DSCAML1: variants seen among roughly 807,000 people sequenced by gnomAD.
DSCAML1 encodes cell adhesion molecule DSCAML1.
DSCAML1 carries 38 observed loss-of-function variants against 200.5 expected under a neutral mutation model. The observed-to-expected ratio is 0.19, with a 90% CI of 0.15 to 0.25. The LOEUF (loss-of-function observed/expected upper bound fraction) is 0.25, where lower values mean the gene tolerates loss of function less well. Among genes scored for constraint, DSCAML1 ranks in the 10% least tolerant of loss-of-function variants. The pLI, the probability that DSCAML1 is intolerant of heterozygous loss-of-function variation, is 1.00. For missense variants in DSCAML1, 2,223 were observed against 2,858.8 expected (o/e 0.78, Z 5.07); for synonymous variants, 1,215 against 1,165.0 (o/e 1.04, Z -0.87).
At chr11:117,809,945 ACACACATT>A (rs2055744483) in intron 1 of DSCAML1, among the ~76,000 whole-genome samples, 1 of 132,278 alleles carries the variant, frequency 7.6e-6, no homozygotes, top group East Asian at 2.0e-4. Context: ...ATATTCACAT[ACACACATT>A]CACACACTCA....
chr11:117,746,881 G>A (rs1463501218), intron 3 of DSCAML1, among the ~76,000 whole-genome samples: 1 of 152,174 alleles, frequency 6.6e-6, no homozygotes, highest in Non-Finnish European at 1.5e-5. Context: ...ACCTCCCTGG[G>A]AAGCCTGGGC....
chr11:117,644,593 C>T (rs116335355), intron 3 of DSCAML1, among the ~76,000 whole-genome samples: 54 of 152,354 alleles, frequency 3.5e-4, no homozygotes, highest in African/African-American at 1.2e-3. Context: ...GCGGCCACAA[C>T]GCCTTCCTAG....
rs572960410 is a variant in DSCAML1, at chr11:117,609,177, C to T, written c.512-76655G>A. Among the ~76,000 whole-genome samples, 45 of 149,814 alleles carry T rather than the reference C, an allele frequency of 3.0e-4. 1 individual carries two copies. The highest frequency in any genetic ancestry group is 9.1e-4 in the African/African-American group (37 of 40,590). On this transcript the variant is annotated intron_variant, in intron 3 of 32. Transcript: ENST00000651296. ...TCGTGCCACTGCACTCCAGGCTGGG[C>T]GACAGAGCCAGACCCTATCTCAATT... is the stretch of plus-strand genomic sequence containing the variant.
chr11:117,447,490 A>G (rs942651997), intron 20 of DSCAML1, among the ~76,000 whole-genome samples: 5 of 150,982 alleles, frequency 3.3e-5, no homozygotes, highest in Non-Finnish European at 7.3e-5. Context: ...GAAGTACATC[A>G]CCAGTGTTTA....
At chr11:117,667,773 T>A (rs2137662110) in intron 3 of DSCAML1, among the ~76,000 whole-genome samples, 1 of 152,340 alleles carries the variant, frequency 6.6e-6, no homozygotes, top group East Asian at 1.9e-4. Context: ...CTTGGCAGCA[T>A]CCTTACTCCC....
Position 117,776,855 on chromosome 11 carries a change from G to C in DSCAML1, c.447C>G (p.Pro149=), listed in dbSNP as rs2055136922. 1.3e-5 allele frequency: 21 copies of C among 1,614,204 alleles called. No homozygotes were observed. The highest frequency in any genetic ancestry group is 1.6e-5 in the Non-Finnish European group (19 of 1,180,036). The part of the protein sequence containing the change: ...GNVAVFKCLI[P]SSVQEYVSVV... Reference sequence around the variant, plus strand: ...CGCTAACATATTCCTGCACTGAAGAGGGGATGAGGCACTTGAAGACGGCCA... The same window carrying C: ...CGCTAACATATTCCTGCACTGAAGACGGGATGAGGCACTTGAAGACGGCCA... Residue 149 remains proline (P), a synonymous_variant, in exon 3 of 33, where the codon CCC becomes CCG. Coordinates refer to ENST00000651296, the MANE Select transcript of DSCAML1 (RefSeq NM_020693.4).
intron 3 of DSCAML1, 138 bp from the exon 4 acceptor site, chr11:117,532,660 G>C (rs2050103744): frequency 1.1e-6 from 1 of 876,212 alleles, no homozygotes; most frequent in Admixed American, 2.9e-5. Flanking sequence ...GTTCCTTTCA[G>C]TGTAGATGCT....
chr11:117,521,743 C>T (rs1003364540), intron 5 of DSCAML1, among the ~76,000 whole-genome samples: 44 of 148,914 alleles, frequency 3.0e-4, no homozygotes, highest in African/African-American at 3.5e-4. Flanking sequence ...TTATTCTCCC[C>T]GCCACCCACC....
intron 3 of DSCAML1, among the ~76,000 whole-genome samples, chr11:117,670,486 G>A (rs2053082035): frequency 6.6e-6 from 1 of 152,124 alleles, no homozygotes; most frequent in Non-Finnish European, 1.5e-5. Context: ...ATAATGGGGA[G>A]GTCAGACTTG....
At chr11:117,649,041 A>ATGTGTGTG (rs58257943) in intron 3 of DSCAML1, among the ~76,000 whole-genome samples, 10 of 137,930 alleles carry the variant, frequency 7.3e-5, no homozygotes, top group South Asian at 7.0e-4. Context: ...CTCCATATAT[A>ATGTGTGTG]TGTGTGTGTG....
In DSCAML1 at chr11:117,437,498, G is replaced by A. The variant is rs2137075503; in HGVS notation, c.4433-89C>T. ...CTGGGCTGGAAAGGATTTCCCTGGG[G>A]CAGCTGGGATGGCAGTGGCTCCAGG... On this transcript the variant is annotated intron_variant, in intron 25 of 32. Coordinates refer to ENST00000651296, the MANE Select transcript of DSCAML1 (RefSeq NM_020693.4). This position sits in a 1 kb window ranked among gnomAD's most constrained non-coding sequence, Gnocchi z 5.3. The A allele has an allele frequency of 3.4e-6, 5 of 1,476,820 alleles. No individual in the cohort carries two copies. The East Asian group carries it at 1.1e-4, about 34-fold the overall frequency. 91.5% of individuals were successfully genotyped at this position (1,476,820 alleles called of 1,614,324 possible).
chr11:117,723,657 C>T (rs1438135472), intron 3 of DSCAML1, among the ~76,000 whole-genome samples: 1 of 152,208 alleles, frequency 6.6e-6, no homozygotes, highest in Non-Finnish European at 1.5e-5. Context: ...GCGTTGAGTT[C>T]ATCTGTGGAT....
At chr11:117,769,342 TTTTATATATATTATATA>T (rs2054974953) in intron 3 of DSCAML1, among the ~76,000 whole-genome samples, 2 of 4,826 alleles carry the variant, frequency 4.1e-4, no homozygotes, top group African/African-American at 6.2e-4. Context: ...ATAATATATA[TTTTATATATATTATATA>T]TTTTATATAA....
intron 1 of DSCAML1, among the ~76,000 whole-genome samples, chr11:117,809,903 T>C (rs73018452): frequency 1.5e-4 from 23 of 148,872 alleles, no homozygotes; most frequent in South Asian, 1.3e-3. Flanking sequence ...ACCCACACAC[T>C]CACACACACA....
intron 3 of DSCAML1, among the ~76,000 whole-genome samples, chr11:117,683,592 G>C (rs1349216418): frequency 6.6e-6 from 1 of 152,210 alleles, no homozygotes; most frequent in African/African-American, 2.4e-5. Flanking sequence ...GTGGATAAAA[G>C]AGGCCTTCTG....
At chr11:117,451,772 G>A (rs1428003421) in intron 19 of DSCAML1, among the ~76,000 whole-genome samples, 3 of 150,950 alleles carry the variant, frequency 2.0e-5, no homozygotes, top group Non-Finnish European at 2.9e-5. Flanking sequence ...CTGAGATCAC[G>A]CCATTGCACT....
At chr11:117,479,706 T>C (rs1430948668) in intron 14 of DSCAML1, among the ~76,000 whole-genome samples, 1 of 152,086 alleles carries the variant, frequency 6.6e-6, no homozygotes, top group East Asian at 1.9e-4. Flanking sequence ...TGGAGTGCAA[T>C]GGCACGATCT....
chr11:117,563,839 A>G (rs558390238), intron 3 of DSCAML1, among the ~76,000 whole-genome samples: 1 of 152,224 alleles, frequency 6.6e-6, no homozygotes, highest in Non-Finnish European at 1.5e-5. Flanking sequence ...GGGCTGGGCT[A>G]GGCCTGTGCA....
At chr11:117,754,057 G>C (rs963575280) in intron 3 of DSCAML1, among the ~76,000 whole-genome samples, 13 of 152,160 alleles carry the variant, frequency 8.5e-5, no homozygotes, top group African/African-American at 3.1e-4. Context: ...AAAGATCCTG[G>C]GGTCCTTTCC....
Sources: allele counts gnomAD v4.1 joint callset (sites outside exome capture counted in the v4.1 genomes callset), GRCh38; gene constraint gnomAD v4.1.1; non-coding constraint Gnocchi (gnomAD v3.1); transcripts MANE v1.5; gene names NCBI Gene and HGNC (gene_info 2026-07-23, HGNC 2026-07-21).